PDE3A: variants seen among roughly 807,000 people sequenced by gnomAD.
PDE3A encodes cGMP-inhibited 3',5'-cyclic phosphodiesterase 3A.
A neutral mutation model predicts 98.3 loss-of-function variants in PDE3A; 43 were observed. The ratio of observed to expected loss-of-function variants is 0.44; its 90% CI spans 0.34 to 0.56. The LOEUF is 0.56. Ranked by LOEUF, PDE3A falls within the 20% of genes least tolerant of loss-of-function variation. PDE3A has a pLI of 0.01. For missense variants in PDE3A, 1,427 were observed against 1,440.7 expected (o/e 0.99, Z 0.15); for synonymous variants, 663 against 567.9 (o/e 1.17, Z -2.38).
intron 1 of PDE3A, among the ~76,000 whole-genome samples, chr12:20,440,516 A>G (rs1043375981): frequency 5.9e-5 from 9 of 152,186 alleles, no homozygotes; most frequent in African/African-American, 2.2e-4. Flanking sequence ...ATCAAACTAC[A>G]GGGGCCAAGT....
chr12:20,678,479 C>G (rs1016042277), intron 15 of PDE3A, among the ~76,000 whole-genome samples: 6 of 152,028 alleles, frequency 3.9e-5, no homozygotes, highest in Non-Finnish European at 8.8e-5. Context: ...TAAGGTAGAA[C>G]CTTTTTTTTG....
At chr12:20,476,703 T>C (rs900399359) in intron 1 of PDE3A, among the ~76,000 whole-genome samples, 8 of 152,168 alleles carry the variant, frequency 5.3e-5, no homozygotes, top group Admixed American at 1.3e-4. Context: ...CCCTTGAACA[T>C]ATGCTTGAGT....
chr12:20,403,482 A>G (rs1414245285), intron 1 of PDE3A, among the ~76,000 whole-genome samples: 4 of 152,166 alleles, frequency 2.6e-5, no homozygotes, highest in African/African-American at 9.7e-5. Context: ...GGGTGACAGT[A>G]TATTTTTCCT....
chr12:20,543,347 C>T (rs1941970959), intron 1 of PDE3A, among the ~76,000 whole-genome samples: 3 of 151,682 alleles, frequency 2.0e-5, no homozygotes, highest in Admixed American at 2.0e-4. Flanking sequence ...CCTGGAAGTG[C>T]AAGTCCTTTC....
At chr12:20,563,444 A>AT (rs61521389) in intron 2 of PDE3A, among the ~76,000 whole-genome samples, 12 of 152,134 alleles carry the variant, frequency 7.9e-5, no homozygotes, top group Non-Finnish European at 1.3e-4. Flanking sequence ...GCTCATTATT[A>AT]GTCTCTCAAA....
intron 1 of PDE3A, among the ~76,000 whole-genome samples, chr12:20,524,356 G>C (rs1206787421): frequency 2.0e-5 from 3 of 152,110 alleles, no homozygotes; most frequent in Non-Finnish European, 2.9e-5. Flanking sequence ...GCCTAGAGTA[G>C]CCATTACTTG....
Position 20,680,251 on chromosome 12 carries a change from A to G in PDE3A, c.3406A>G (p.Thr1136Ala). Reference sequence around the variant, plus strand: ...GAAACCAAGAGGCGAGGAGATACCAACCCAAAAGCCAGACCAGTGACAATG... The same window carrying G: ...GAAACCAAGAGGCGAGGAGATACCAGCCCAAAAGCCAGACCAGTGACAATG... ...KGKPRGEEIP[T>A]QKPDQ Residue 1136 changes from threonine to alanine, a missense_variant, in exon 16 of 16, where the codon ACC becomes GCC. Coordinates refer to ENST00000359062, the MANE Select transcript of PDE3A (RefSeq NM_000921.5). 6.2e-7 allele frequency: 1 copy of G among 1,613,934 alleles called. No homozygotes were observed. The highest frequency in any genetic ancestry group is 8.5e-7 in the Non-Finnish European group (1 of 1,179,894).
At chr12:20,624,373 A>T (rs1475050507) in intron 5 of PDE3A, among the ~76,000 whole-genome samples, 1 of 152,184 alleles carries the variant, frequency 6.6e-6, no homozygotes, top group Non-Finnish European at 1.5e-5. Context: ...AGACCCTGGA[A>T]ATATCAGATC....
At chr12:20,660,679 T>G (rs1945146902) in intron 15 of PDE3A, among the ~76,000 whole-genome samples, 1 of 152,218 alleles carries the variant, frequency 6.6e-6, no homozygotes, top group African/African-American at 2.4e-5. Context: ...TTTGCACAAG[T>G]TCTCTTTTTG....
intron 1 of PDE3A, among the ~76,000 whole-genome samples, chr12:20,372,054 T>G (rs190454461): frequency 6.6e-6 from 1 of 152,286 alleles, no homozygotes; most frequent in African/African-American, 2.4e-5. Flanking sequence ...CATTTATAAG[T>G]TAAGAAATTA....
intron 1 of PDE3A, among the ~76,000 whole-genome samples, chr12:20,521,240 A>C (rs1341568187): frequency 6.6e-6 from 1 of 151,918 alleles, no homozygotes; most frequent in Admixed American, 6.6e-5. Context: ...TATAGTTTTA[A>C]ATTTATACAC....
At chr12:20,674,711 C>G (rs1945587692) in intron 15 of PDE3A, among the ~76,000 whole-genome samples, 1 of 152,054 alleles carries the variant, frequency 6.6e-6, no homozygotes, top group South Asian at 2.1e-4. Flanking sequence ...TCCATTTCAT[C>G]TAGGTTTTCT....
At chr12:20,670,919 T>C (rs1945457856) in intron 15 of PDE3A, among the ~76,000 whole-genome samples, 1 of 130,576 alleles carries the variant, frequency 7.7e-6, no homozygotes, top group Non-Finnish European at 1.6e-5. Context: ...AGCTGGTTTT[T>C]TGAAAGGATC....
chr12:20,666,434 A>G (rs1945314628), intron 15 of PDE3A, among the ~76,000 whole-genome samples: 1 of 151,872 alleles, frequency 6.6e-6, no homozygotes, highest in Non-Finnish European at 1.5e-5. Flanking sequence ...CTAACCCCCA[A>G]CCATACACCC....
intron 2 of PDE3A, among the ~76,000 whole-genome samples, chr12:20,562,167 C>A (rs542536323): frequency 1.1e-4 from 17 of 148,730 alleles, no homozygotes; most frequent in Non-Finnish European, 2.4e-4. Flanking sequence ...ATTTTTTATT[C>A]TTGAAGGAAA....
At chr12:20,517,048 TG>T (rs1946334730) in intron 1 of PDE3A, among the ~76,000 whole-genome samples, 2 of 152,212 alleles carry the variant, frequency 1.3e-5, no homozygotes, top group African/African-American at 4.8e-5. Context: ...ATTTACTGAA[TG>T]GCAAAGTTGC....
At chr12:20,387,338 G>T in intron 1 of PDE3A, among the ~76,000 whole-genome samples, 1 of 152,018 alleles carries the variant, frequency 6.6e-6, no homozygotes, top group Admixed American at 6.6e-5. Flanking sequence ...AATGGGAATA[G>T]CTTTGAATCT....
rs373393262 is a variant in PDE3A at position 20,525,932 on chromosome 12, G to T, written c.961-30728G>T. On this transcript the variant is annotated intron_variant, in intron 1 of 15. Transcript: ENST00000359062. ...TACTTGGAGATTTGTGCTTTTCTTT[G>T]AGTATTCATAAATAAGAGTGAAAAA... Among the ~76,000 whole-genome samples, 86 of 152,262 alleles carry T rather than the reference G, an allele frequency of 5.6e-4. 1 individual carries two copies. The South Asian group carries it at 0.017, about 30-fold the overall frequency.
At chr12:20,450,064 T>G (rs1440850790) in intron 1 of PDE3A, 1 of 586,054 alleles carries the variant, frequency 1.7e-6, no homozygotes, top group Non-Finnish European at 3.2e-6. Flanking sequence ...TTCTTCAAGC[T>G]CCTTCATCAG....
Sources: gnomAD v4.1 joint callset for allele counts (sites outside exome capture counted in the v4.1 genomes callset) on GRCh38, gnomAD v4.1.1 for gene constraint, MANE v1.5 for transcripts, NCBI Gene and HGNC (gene_info 2026-07-23, HGNC 2026-07-21) for gene names.